Variants in ACTN3 observed in about 807,000 individuals in gnomAD.
The protein encoded by ACTN3 is alpha-actinin-3.
ACTN3 carries 91 observed loss-of-function variants against 119.6 expected under a neutral mutation model. The ratio of observed to expected loss-of-function variants is 0.76; its 90% CI spans 0.64 to 0.91. The LOEUF (loss-of-function observed/expected upper bound fraction) is 0.91. Among genes scored for constraint, ACTN3 ranks in the 40% least tolerant of loss-of-function variants. ACTN3 has a pLI of 0.00. For synonymous variants in ACTN3, 456 were observed against 478.8 expected (o/e 0.95, Z 0.62); for missense variants, 1,221 against 1,215.1 (o/e 1.00, Z -0.07).
At position 66,563,082 on chromosome 11, in the gene ACTN3, G is replaced by A; in HGVS notation, c.2595G>A (p.Gln865=). The change falls in exon 21 of 21, where the codon CAG becomes CAA. Residue 865 remains glutamine (Q), a synonymous_variant. Transcript: ENST00000513398. ...TGCGGCGCGAGCTCCCTGCCAAGCA[G>A]GCCGAGTACTGCATCCGCCGTATGG... ...EELRRELPAK[Q]AEYCIRRMVP... is the part of the protein sequence containing the mutation. The A allele has an allele frequency of 6.2e-7, 1 of 1,613,188 alleles. No individual in the cohort carries two copies. Among genetic ancestry groups the A allele is most frequent in the Non-Finnish European group, 8.5e-7 (1 of 1,179,714 alleles).
intron 3 of ACTN3, 90 bp from the exon 4 acceptor site, chr11:66,553,955 G>C (rs1857531607): frequency 1.9e-5 from 20 of 1,073,598 alleles, no homozygotes; most frequent in Non-Finnish European, 2.5e-5. Flanking sequence ...ACAAGGGCCA[G>C]AGGGCTGATC....
At chr11:66,561,384 C>T in intron 16 of ACTN3, 23 bp downstream of exon 16, 2 of 1,606,720 alleles carry the variant, frequency 1.2e-6, no homozygotes, top group East Asian at 2.2e-5. Context: ...ATAGTGGGTC[C>T]AACCTGGGGG....
intron 3 of ACTN3, among the ~76,000 whole-genome samples, chr11:66,552,867 C>CTT (rs1857503671): frequency 2.2e-5 from 2 of 89,478 alleles, no homozygotes; most frequent in Non-Finnish European, 4.3e-5. Context: ...CTCTCTCTCT[C>CTT]TCTCTCTCTC....
At chr11:66,547,420 C>T (rs1460401210) in intron 1 of ACTN3, among the ~76,000 whole-genome samples, 2 of 152,164 alleles carry the variant, frequency 1.3e-5, no homozygotes, top group East Asian at 1.9e-4. Context: ...GAAGAATCTT[C>T]TTCTAGTTAA....
chr11:66,554,724 C>T, intron 5 of ACTN3, 101 bp downstream of exon 5: 1 of 968,296 alleles, frequency 1.0e-6, no homozygotes, highest in Non-Finnish European at 1.5e-6. Flanking sequence ...TGGTCTCTGT[C>T]ACAAGCCACA....
At position 66,557,750 on chromosome 11, in the gene ACTN3, G is replaced by A; in HGVS notation, c.949G>A (p.Glu317Lys). Residue 317 changes from glutamate to lysine, a missense_variant, in exon 10 of 21, where the codon GAG becomes AAG. Glu to Lys is a moderately conservative substitution (Grantham distance 56, BLOSUM62 1). Transcript: ENST00000513398. ...TVPWLENRVG[E>K]PSMSAMQRKL... is the part of the protein sequence containing the mutation. ...CCCATGGCTGGAGAACCGTGTGGGT[G>A]AGCCCAGCATGAGTGCCATGCAGCG... is the stretch of plus-strand genomic sequence containing the variant. 1 of 1,613,592 alleles carries A rather than the reference G, an allele frequency of 6.2e-7. No homozygotes were observed. Among genetic ancestry groups the A allele is most frequent in the Non-Finnish European group, 8.5e-7 (1 of 1,179,812 alleles).
At chr11:66,559,931 G>A (rs1282701319) in intron 12 of ACTN3, 37 bp from the exon 13 acceptor site, 8 of 1,556,338 alleles carry the variant, frequency 5.1e-6, no homozygotes, top group Non-Finnish European at 5.2e-6. Flanking sequence ...ATCTGGGCTG[G>A]GGCTGGCCCC....
At chr11:66,552,228 G>T (rs996031520) in intron 3 of ACTN3, among the ~76,000 whole-genome samples, 5 of 151,634 alleles carry the variant, frequency 3.3e-5, no homozygotes, top group Non-Finnish European at 7.4e-5. Flanking sequence ...AAATACGCTG[G>T]GTGTGGCGGC....
At chr11:66,548,449 A>C (rs1857409112) in intron 1 of ACTN3, among the ~76,000 whole-genome samples, 1 of 152,054 alleles carries the variant, frequency 6.6e-6, no homozygotes. Flanking sequence ...TTGTCACCTA[A>C]CAAATTATCA....
chr11:66,549,681 A>T (rs766344812), intron 1 of ACTN3, among the ~76,000 whole-genome samples: 4 of 144,702 alleles, frequency 2.8e-5, no homozygotes, highest in Non-Finnish European at 6.0e-5. Context: ...CAGTGAGTAG[A>T]GATCGCACCA....
At chr11:66,552,436 A>G (rs977852437) in intron 3 of ACTN3, among the ~76,000 whole-genome samples, 4 of 152,064 alleles carry the variant, frequency 2.6e-5, no homozygotes, top group Admixed American at 6.5e-5. Context: ...CCCTAGTAAG[A>G]GTTTAGTGAA....
At position 66,562,249 on chromosome 11, in the gene ACTN3, C is replaced by T. The variant is rs1857795625; in HGVS notation, c.2323-8C>T. 3.1e-6 allele frequency: 5 copies of T among 1,613,868 alleles called. No individual in the cohort carries two copies. The highest frequency in any genetic ancestry group is 4.2e-6 in the Non-Finnish European group (5 of 1,179,868). Reference sequence around the variant, plus strand: ...AGACCAAGCCTGATAACCACTCACCCCCTACAGAAGCAGAATGGGATGATG... The same window carrying T: ...AGACCAAGCCTGATAACCACTCACCTCCTACAGAAGCAGAATGGGATGATG... On this transcript the variant is annotated splice_region_variant and splice_polypyrimidine_tract_variant and intron_variant, in intron 18 of 20. Transcript: ENST00000513398.
Position 66,556,177 on chromosome 11 carries a change from G to C in ACTN3, c.751G>C (p.Ala251Pro), listed in dbSNP as rs766541156. 156 of 1,613,694 alleles carry C rather than the reference G, an allele frequency of 9.7e-5. No homozygotes were observed. The highest frequency in any genetic ancestry group is 1.3e-4 in the Non-Finnish European group (149 of 1,179,858). The change falls in exon 8 of 21, where the codon GCC (alanine) becomes CCC (proline). Residue 251 changes from alanine (A) to proline (P), a missense_variant. Transcript: ENST00000513398. ...IVNTPKPDEK[A>P]IMTYVSCFYH... ...GAACACCCCAAAGCCGGATGAGAAG[G>C]CCATCATGACCTATGTGTCCTGCTT...
chr11:66,563,308 A>G lies in ACTN3; in HGVS notation c.*115A>G. On this transcript the variant is annotated 3_prime_UTR_variant, in exon 21 of 21. Transcript: ENST00000513398. ...AAAAGCCAGCCAAGTGCTTCTGAAT[A>G]AAGATCCCTCTCTGGGTCTCTCCCC... The G allele has an allele frequency of 7.6e-7, 1 of 1,310,332 alleles. No homozygotes were observed. The highest frequency in any genetic ancestry group is 1.0e-6 in the Non-Finnish European group (1 of 979,110). The allele number at this position is 1,310,332 out of a possible 1,614,324, so 81.2% of individuals were successfully genotyped here. A position where few individuals can be genotyped will look rare whatever the true frequency, so the allele number is the denominator to read the frequency against.
chr11:66,560,425 C>T, intron 14 of ACTN3, 114 bp downstream of exon 14: 1 of 1,482,774 alleles, frequency 6.7e-7, no homozygotes, highest in Non-Finnish European at 9.0e-7. Flanking sequence ...ACCCCAGTTC[C>T]CGAGTGCTGG....
At position 66,559,305 on chromosome 11, in the gene ACTN3, G is replaced by A. The variant is rs1452556707; in HGVS notation, c.1346G>A (p.Arg449Gln). 1.3e-6 allele frequency: 2 copies of A among 1,574,874 alleles called. No individual in the cohort carries two copies. Among genetic ancestry groups the A allele is most frequent in the South Asian group, 1.1e-5 (1 of 87,108 alleles). ...ALLQEVRALL[R>Q]RHEAFESDLA... ...CTACAGGAGGTGCGGGCGTTGCTGCGGCGCCACGAGGCCTTTGAGAGCGAC... is the reference window on the plus strand; with the variant it reads ...CTACAGGAGGTGCGGGCGTTGCTGCAGCGCCACGAGGCCTTTGAGAGCGAC... Residue 449 changes from arginine to glutamine, a missense_variant, in exon 12 of 21, where the codon CGG becomes CAG. Transcript: ENST00000513398.
At chr11:66,558,266 G>A (rs994636823) in intron 11 of ACTN3, 92 bp downstream of exon 11, 74 of 1,536,340 alleles carry the variant, frequency 4.8e-5, no homozygotes, top group Admixed American at 7.3e-5. Context: ...AAAATGCACA[G>A]GACAAGGGTA....
In ACTN3 at chr11:66,554,533, C is replaced by G. The variant is rs1341095021; in HGVS notation, c.470-3C>G. On this transcript the variant is annotated splice_region_variant and splice_polypyrimidine_tract_variant and intron_variant, in intron 4 of 20. Transcript: ENST00000513398. Reference sequence around the variant, plus strand: ...TGAATCCTCCCACCTCCCCCCGACCCAGAAACCTCAGCCAAGGAAGGCTTG... The same window carrying G: ...TGAATCCTCCCACCTCCCCCCGACCGAGAAACCTCAGCCAAGGAAGGCTTG... The G allele has an allele frequency of 1.2e-6, 2 of 1,607,448 alleles. No homozygotes were observed. The highest frequency in any genetic ancestry group is 1.7e-6 in the Non-Finnish European group (2 of 1,176,294).
At chr11:66,560,394 G>A (rs1857725429) in intron 14 of ACTN3, 83 bp downstream of exon 14, 1 of 1,526,626 alleles carries the variant, frequency 6.6e-7, no homozygotes, top group African/African-American at 1.4e-5. Context: ...TAGGCTCCTG[G>A]GGCATAGGGA....
Sources: gnomAD v4.1 joint callset for allele counts (sites outside exome capture counted in the v4.1 genomes callset) on GRCh38, gnomAD v4.1.1 for gene constraint, MANE v1.5 for transcripts, NCBI Gene and HGNC (gene_info 2026-07-23, HGNC 2026-07-21) for gene names.